The following BNC2 variants were observed in gnomAD, a reference collection of about 807,000 sequenced individuals.
BNC2 encodes the protein basonuclin zinc finger protein 2, also known as zinc finger protein basonuclin-2.
In BNC2, 20 loss-of-function variants were observed where a neutral mutation model predicts 76.3. The observed-to-expected ratio is 0.26, with a 90% CI of 0.18 to 0.38. BNC2 has a LOEUF of 0.38. Among genes scored for constraint, BNC2 ranks in the 10% least tolerant of loss-of-function variants. The pLI is 1.00. For synonymous variants in BNC2, 582 were observed against 514.8 expected (o/e 1.13, Z -1.77); for missense variants, 1,382 against 1,399.8 (o/e 0.99, Z 0.20).
intron 1 of BNC2, among the ~76,000 whole-genome samples, chr9:16,844,512 T>G (rs1489533835): frequency 6.7e-6 from 1 of 149,320 alleles, no homozygotes; most frequent in Admixed American, 6.7e-5. Context: ...TTTTTTTTTT[T>G]TTTGAGACGG....
chr9:16,589,654 A>G (rs1381519509), intron 3 of BNC2, among the ~76,000 whole-genome samples: 2 of 151,758 alleles, frequency 1.3e-5, no homozygotes, highest in Non-Finnish European at 2.9e-5. Context: ...GATTACATGC[A>G]CGCACCACCA....
chr9:16,566,587 G>A (rs1368319514), intron 4 of BNC2, among the ~76,000 whole-genome samples: 1 of 152,084 alleles, frequency 6.6e-6, no homozygotes, highest in South Asian at 2.1e-4. Context: ...CAGGATAGAA[G>A]TCTAATATGG....
intron 1 of BNC2, among the ~76,000 whole-genome samples, chr9:16,870,397 G>A (rs1036011533): frequency 6.6e-6 from 1 of 152,036 alleles, no homozygotes; most frequent in African/African-American, 2.4e-5. Context: ...CCTCTCACGT[G>A]CACCCTCCCA....
intron 1 of BNC2, among the ~76,000 whole-genome samples, chr9:16,773,512 G>GAAA (rs71327857): frequency 1.6e-5 from 2 of 121,906 alleles, no homozygotes; most frequent in Admixed American, 8.7e-5. Flanking sequence ...CATGCAATCA[G>GAAA]AAAAAAAAAA....
Position 16,501,648 on chromosome 9 carries a change from T to C in BNC2, c.669+50882A>G, listed in dbSNP as rs1822521442. 1.3e-5 allele frequency among the ~76,000 whole-genome samples: 2 copies of C among 152,152 alleles called. 1 individual carries two copies. Among genetic ancestry groups the C allele is most frequent in the South Asian group, 4.1e-4 (2 of 4,826 alleles). The stretch of plus-strand genomic sequence containing the variant: ...AGAGTATTTCTCTACAGTTCACTTA[T>C]CCTGAGATACATAGAAAATCTAAGA... On this transcript the variant is annotated intron_variant, in intron 5 of 6. Coordinates refer to ENST00000380672, the MANE Select transcript of BNC2 (RefSeq NM_017637.6).
intron 3 of BNC2, among the ~76,000 whole-genome samples, chr9:16,664,258 T>C (rs997701954): frequency 1.3e-5 from 2 of 152,200 alleles, no homozygotes; most frequent in Non-Finnish European, 1.5e-5. Flanking sequence ...TTGTCCCTCC[T>C]TTCCACGCCA....
intron 5 of BNC2, among the ~76,000 whole-genome samples, chr9:16,453,008 C>G (rs1287842741): frequency 6.6e-6 from 1 of 152,182 alleles, no homozygotes; most frequent in African/African-American, 2.4e-5. Context: ...CATAAAGGCA[C>G]AGAGGCTACT....
intron 5 of BNC2, among the ~76,000 whole-genome samples, chr9:16,482,724 T>G (rs1156623300): frequency 1.3e-5 from 2 of 152,156 alleles, no homozygotes; most frequent in Admixed American, 6.5e-5. Context: ...TCCCTCTGTG[T>G]TTCTAATTTA....
chr9:16,449,706 A>G (rs1372029888), intron 5 of BNC2, among the ~76,000 whole-genome samples: 2 of 152,176 alleles, frequency 1.3e-5, no homozygotes, highest in Non-Finnish European at 2.9e-5. Flanking sequence ...GCGGATCACA[A>G]TTAGTAAAAA....
intron 3 of BNC2, among the ~76,000 whole-genome samples, chr9:16,636,310 T>C (rs1821323835): frequency 6.8e-6 from 1 of 148,052 alleles, no homozygotes; most frequent in Non-Finnish European, 1.5e-5. Context: ...GAAGACTTTC[T>C]TTTTTTTTTG....
chr9:16,738,982 A>G (rs1421111473), intron 1 of BNC2, among the ~76,000 whole-genome samples: 1 of 151,998 alleles, frequency 6.6e-6, no homozygotes, highest in East Asian at 1.9e-4. Flanking sequence ...AAAAGAAACA[A>G]GAGCAGAATT....
intron 5 of BNC2, among the ~76,000 whole-genome samples, chr9:16,503,660 C>T (rs1822567642): frequency 6.6e-6 from 1 of 152,084 alleles, no homozygotes; most frequent in South Asian, 2.1e-4. Flanking sequence ...GAAGAGTGGA[C>T]CTAAATAAGG....
At chr9:16,620,655 A>G (rs1180684220) in intron 3 of BNC2, among the ~76,000 whole-genome samples, 1 of 152,230 alleles carries the variant, frequency 6.6e-6, no homozygotes, top group African/African-American at 2.4e-5. Flanking sequence ...GATTTGTAAA[A>G]GCCTATAAAT....
At chr9:16,839,355 G>A (rs950327851) in intron 1 of BNC2, among the ~76,000 whole-genome samples, 3 of 152,204 alleles carry the variant, frequency 2.0e-5, no homozygotes, top group Admixed American at 6.5e-5. Flanking sequence ...AAAGTTACAC[G>A]CCATCACCCA....
rs1367149508 is a variant in BNC2, at chr9:16,576,440, A to G, written c.433+6543T>C. 3.9e-5 allele frequency among the ~76,000 whole-genome samples: 6 copies of G among 152,154 alleles called. No individual in the cohort carries two copies. In the South Asian group the frequency reaches 6.2e-4, roughly 16 times the overall value. On this transcript the variant is annotated intron_variant, in intron 4 of 6. Coordinates refer to ENST00000380672, the MANE Select transcript of BNC2 (RefSeq NM_017637.6). ...AGGGAAGAAAAGAGATTGGCAAGGA[A>G]AAGACTGGACTACTTTAGTTATGCT...
At chr9:16,718,682 A>C (rs563955973) in intron 3 of BNC2, among the ~76,000 whole-genome samples, 1 of 152,324 alleles carries the variant, frequency 6.6e-6, no homozygotes, top group South Asian at 2.1e-4. Context: ...AAAAAGCTAT[A>C]GTCAAGAAAG....
intron 5 of BNC2, among the ~76,000 whole-genome samples, chr9:16,454,138 T>C (rs55680086): frequency 0.011 from 1,726 of 152,214 alleles, 34 homozygotes; most frequent in African/African-American, 0.039. Flanking sequence ...CTGCTTTTTT[T>C]TGTGTTTTTT....
At chr9:16,708,788 G>A (rs890969407) in intron 3 of BNC2, among the ~76,000 whole-genome samples, 108 of 152,098 alleles carry the variant, frequency 7.1e-4, no homozygotes, top group African/African-American at 2.5e-3. Flanking sequence ...GGAGGAGCTG[G>A]AGCCCCACAA....
At chr9:16,688,338 C>T (rs1023121147) in intron 3 of BNC2, among the ~76,000 whole-genome samples, 15 of 152,042 alleles carry the variant, frequency 9.9e-5, no homozygotes, top group Non-Finnish European at 1.9e-4. Context: ...GATTTAGAAG[C>T]CTCAGAAGTT....
Sources: allele counts gnomAD v4.1 joint callset (sites outside exome capture counted in the v4.1 genomes callset), GRCh38; gene constraint gnomAD v4.1.1; transcripts MANE v1.5; gene names NCBI Gene and HGNC (gene_info 2026-07-23, HGNC 2026-07-21).